CHD5: variants seen among roughly 807,000 people sequenced by gnomAD.
The protein encoded by CHD5 is chromodomain helicase DNA binding protein 5, also known as ATP-dependent chromatin remodeler CHD5.
In CHD5, 69 loss-of-function variants were observed where a neutral mutation model predicts 230.3. That is an observed-to-expected ratio of 0.30 (90% confidence interval 0.25 to 0.37). CHD5 has a LOEUF of 0.37. Ranked by LOEUF, CHD5 falls within the 10% of genes least tolerant of loss-of-function variation. The probability of loss-of-function intolerance (pLI) is 1.00; values close to 1 mark genes in which losing one functional copy is unlikely to be tolerated. For synonymous variants in CHD5, 1,064 were observed against 1,065.9 expected (o/e 1.00, Z 0.03); for missense variants, 1,827 against 2,622.8 (o/e 0.70, Z 6.63).
At chr1:6,119,998 C>A (rs1233847688) in intron 33 of CHD5, among the ~76,000 whole-genome samples, 1 of 151,872 alleles carries the variant, frequency 6.6e-6, no homozygotes, top group Non-Finnish European at 1.5e-5. Flanking sequence ...GTAGCTGGGA[C>A]TACAGGTGCA....
intron 30 of CHD5, among the ~76,000 whole-genome samples, 186 bp from the exon 31 acceptor site, chr1:6,124,293 C>T (rs1222256039): frequency 2.7e-5 from 4 of 150,660 alleles, no homozygotes; most frequent in African/African-American, 9.8e-5. Context: ...CCCTCCCACC[C>T]TCTGTGTGTC....
chr1:6,165,128 G>T (rs1470819900), intron 2 of CHD5, among the ~76,000 whole-genome samples: 2 of 152,170 alleles, frequency 1.3e-5, no homozygotes, highest in Non-Finnish European at 2.9e-5. Context: ...GGCTCAGCGT[G>T]ATCATGGCCC....
chr1:6,120,124 G>C (rs1666445894), intron 33 of CHD5, among the ~76,000 whole-genome samples: 2 of 152,056 alleles, frequency 1.3e-5, no homozygotes, highest in African/African-American at 4.8e-5. Flanking sequence ...GCCTCCCAAA[G>C]TGCTGGGATT....
chr1:6,166,876 T>C (rs1667264476), intron 2 of CHD5, among the ~76,000 whole-genome samples: 1 of 152,102 alleles, frequency 6.6e-6, no homozygotes, highest in African/African-American at 2.4e-5. Context: ...CTCACCTTGT[T>C]CACGGGACAA....
rs1571134104 is a variant in CHD5, at chr1:6,106,473, A to G, written c.5779T>C (p.Phe1927Leu). 6.4e-7 allele frequency: 1 copy of G among 1,557,592 alleles called. No individual in the cohort carries two copies. Among genetic ancestry groups the G allele is most frequent in the East Asian group, 2.4e-5 (1 of 41,308 alleles). The change falls in exon 40 of 42, where the codon TTT (phenylalanine) becomes CTT (leucine). Residue 1927 changes from phenylalanine (F) to leucine (L), a missense_variant. Coordinates refer to ENST00000262450, the MANE Select transcript of CHD5 (RefSeq NM_015557.3). ...CCAGGGCCCCGGAAGTTGGGCCCAA[A>G]GTTGTTGCTGTACATCTGGGAGGAG... The part of the protein sequence containing the change: ...FGSSQMYSNN[F>L]GPNFRGPGPG...
rs1557543154 is a variant in CHD5 at position 6,125,516 on chromosome 1, G to A, written c.4260+8C>T. On this transcript the variant is annotated splice_region_variant and intron_variant, in intron 28 of 41. Coordinates refer to ENST00000262450, the MANE Select transcript of CHD5 (RefSeq NM_015557.3). The surrounding 1 kb of genome is among the most constrained non-coding windows in gnomAD (Gnocchi z 6.7). ...GCAGAAAGAGATGCGGGAACAGACA[G>A]GCCCCACCTCGATGTTGCCACCAAC... 2 of 1,570,886 alleles carry A rather than the reference G, an allele frequency of 1.3e-6. No homozygotes were observed. Among genetic ancestry groups the A allele is most frequent in the Non-Finnish European group, 8.6e-7 (1 of 1,156,612 alleles).
In CHD5 at chr1:6,154,652, A is replaced by C. The variant is rs1349271802; in HGVS notation, c.745+8T>G. 16 of 1,545,488 alleles carry C rather than the reference A, an allele frequency of 1.0e-5. No homozygotes were observed. The highest frequency in any genetic ancestry group is 1.4e-5 in the African/African-American group (1 of 73,030). ...CGGGACTAGGTGCCCACCCAACCCC[A>C]GCCTTACCTTTGCCCTCCTTGGTCT... On this transcript the variant is annotated splice_region_variant and intron_variant, in intron 5 of 41. Coordinates refer to ENST00000262450, the MANE Select transcript of CHD5 (RefSeq NM_015557.3). The surrounding 1 kb of genome is among the most constrained non-coding windows in gnomAD (Gnocchi z 7.0).
rs756897096 is a variant in CHD5 at position 6,152,432 on chromosome 1, T to C, written c.850A>G (p.Lys284Glu). The C allele has an allele frequency of 6.2e-7, 1 of 1,614,056 alleles. No individual in the cohort carries two copies. Among genetic ancestry groups the C allele is most frequent in the Non-Finnish European group, 8.5e-7 (1 of 1,179,950 alleles). ...CTCACCGAGGAGCCTTTCTTCCTCT[T>C]GTTGCTGATCCCCCCGAAGCGGAAC... ...LKFRFGGISN[K>E]RKKGSSSEED... is the part of the protein sequence containing the mutation. The change falls in exon 6 of 42, where the codon AAG becomes GAG. Residue 284 changes from lysine to glutamate, a missense_variant. Physicochemically the swap from Lys to Glu is moderately conservative, Grantham distance 56 (BLOSUM62 1). Transcript: ENST00000262450.
Position 6,155,921 on chromosome 1 carries a change from T to C in CHD5, c.388-204A>G, listed in dbSNP as rs1468150340. Among the ~76,000 whole-genome samples, 1 of 152,172 alleles carries C rather than the reference T, an allele frequency of 6.6e-6. No individual in the cohort carries two copies. The highest frequency in any genetic ancestry group is 1.5e-5 in the Non-Finnish European group (1 of 68,026). On this transcript the variant is annotated intron_variant, in intron 3 of 41. Transcript: ENST00000262450. The surrounding 1 kb of genome is among the most constrained non-coding windows in gnomAD (Gnocchi z 4.0). ...CCCGCAGCCCCCAATCTGTGCCACGTCTCAGATGCCAGCCCACGAAGTGCA... is the reference window on the plus strand; with the variant it reads ...CCCGCAGCCCCCAATCTGTGCCACGCCTCAGATGCCAGCCCACGAAGTGCA...
intron 2 of CHD5, among the ~76,000 whole-genome samples, chr1:6,160,006 C>T (rs1328398875): frequency 2.0e-5 from 3 of 152,022 alleles, no homozygotes; most frequent in Non-Finnish European, 2.9e-5. Flanking sequence ...AGGGAAGGGC[C>T]CCAGCCAGAG....
intron 6 of CHD5, 59 bp from the exon 7 acceptor site, chr1:6,151,214 C>T: frequency 6.5e-7 from 1 of 1,541,538 alleles, no homozygotes; most frequent in Non-Finnish European, 8.8e-7. Context: ...CTTCGCTGGC[C>T]CAGGCAGTGT....
In CHD5 at chr1:6,134,510, C is replaced by T. The variant is rs1020283544; in HGVS notation, c.3012+208G>A. On this transcript the variant is annotated intron_variant, in intron 19 of 41. Coordinates refer to ENST00000262450, the MANE Select transcript of CHD5 (RefSeq NM_015557.3). The surrounding 1 kb of genome is among the most constrained non-coding windows in gnomAD (Gnocchi z 6.3). ...AGCCGCACCAGCCCTACCACAGCAG[C>T]GGGTTCCACGGTAAGTTCCCCAGCA... 3.9e-5 allele frequency among the ~76,000 whole-genome samples: 6 copies of T among 152,218 alleles called. No homozygotes were observed. The highest frequency in any genetic ancestry group is 4.4e-5 in the Non-Finnish European group (3 of 68,040).
rs1667072633 is a variant in CHD5 at position 6,155,875 on chromosome 1, C to T, written c.388-158G>A. On this transcript the variant is annotated intron_variant, in intron 3 of 41. Coordinates refer to ENST00000262450, the MANE Select transcript of CHD5 (RefSeq NM_015557.3). The surrounding 1 kb of genome is among the most constrained non-coding windows in gnomAD (Gnocchi z 4.0). ...ATTCTCACCCACCCTAGGAAACATT[C>T]AAGCCCTGCAGCCCCGCAGCCCCGC... Among the ~76,000 whole-genome samples the T allele has an allele frequency of 6.6e-6, 1 of 152,234 alleles. No individual in the cohort carries two copies. Among genetic ancestry groups the T allele is most frequent in the South Asian group, 2.1e-4 (1 of 4,836 alleles).
chr1:6,127,187 G>A (rs1383715926), intron 25 of CHD5: 1 of 176,936 alleles, frequency 5.7e-6, no homozygotes, highest in Non-Finnish European at 1.2e-5. Context: ...CGGTAGAGAA[G>A]GGAGAAAAGT....
intron 9 of CHD5, among the ~76,000 whole-genome samples, chr1:6,147,533 G>A (rs954266212): frequency 2.0e-5 from 3 of 152,324 alleles, no homozygotes; most frequent in African/African-American, 4.8e-5. Context: ...CACACCACTC[G>A]GGCCCTGAGA....
Position 6,131,735 on chromosome 1 carries a change from A to G in CHD5, c.3158T>C (p.Leu1053Pro). 6.2e-7 allele frequency: 1 copy of G among 1,611,632 alleles called. No individual in the cohort carries two copies. Among genetic ancestry groups the G allele is most frequent in the Non-Finnish European group, 8.5e-7 (1 of 1,177,890 alleles). The change falls in exon 21 of 42, where the codon CTG (leucine) becomes CCG (proline). Residue 1053 changes from leucine (L) to proline (P), a missense_variant. Transcript: ENST00000262450. The surrounding 1 kb of genome is among the most constrained non-coding windows in gnomAD (Gnocchi z 5.0). ...VLIFSQMTKM[L>P]DLLEDFLEYE... ...CTCCAGGAAGTCCTCCAGGAGGTCCAGCATCTTGGTCATCTGCAGGGGAGA... is the reference window on the plus strand; with the variant it reads ...CTCCAGGAAGTCCTCCAGGAGGTCCGGCATCTTGGTCATCTGCAGGGGAGA...
chr1:6,110,326 C>T, intron 37 of CHD5, 68 bp downstream of exon 37: 1 of 1,590,380 alleles, frequency 6.3e-7, no homozygotes, highest in South Asian at 1.1e-5. Context: ...ATTCCTTTGC[C>T]TTTGCGAGGG....
Position 6,138,485 on chromosome 1 carries a change from G to A in CHD5, c.2437-1620C>T, listed in dbSNP as rs1391997324. On this transcript the variant is annotated intron_variant, in intron 15 of 41. Coordinates refer to ENST00000262450, the MANE Select transcript of CHD5 (RefSeq NM_015557.3). Reference sequence around the variant, plus strand: ...GAGCCCTGCATTTTCATTTTGCACCGGTCTCCCCCAGTGATGTAGGCCTGT... The same window carrying A: ...GAGCCCTGCATTTTCATTTTGCACCAGTCTCCCCCAGTGATGTAGGCCTGT... Among the ~76,000 whole-genome samples the A allele has an allele frequency of 9.2e-5, 14 of 152,130 alleles. 1 individual carries two copies. Among genetic ancestry groups the A allele is most frequent in the South Asian group, 8.3e-4 (4 of 4,826 alleles).
rs1666564915 is a variant in CHD5 at position 6,126,759 on chromosome 1, C to T, written c.3904-13G>A. 1 of 1,610,614 alleles carries T rather than the reference C, an allele frequency of 6.2e-7. No homozygotes were observed. The highest frequency in any genetic ancestry group is 8.5e-7 in the Non-Finnish European group (1 of 1,177,626). The stretch of plus-strand genomic sequence containing the variant: ...GCTCCACCTCCTCCTGGGGACGCAG[C>T]ACCACGGGTTCCATGGGTGGAGCCA... On this transcript the variant is annotated splice_polypyrimidine_tract_variant and intron_variant, in intron 25 of 41. Coordinates refer to ENST00000262450, the MANE Select transcript of CHD5 (RefSeq NM_015557.3). This position sits in a 1 kb window ranked among gnomAD's most constrained non-coding sequence, Gnocchi z 5.7.
Sources: gnomAD v4.1 joint callset for allele counts (sites outside exome capture counted in the v4.1 genomes callset) on GRCh38, gnomAD v4.1.1 for gene constraint, Gnocchi (gnomAD v3.1) non-coding constraint, MANE v1.5 for transcripts, NCBI Gene and HGNC (gene_info 2026-07-23, HGNC 2026-07-21) for gene names.